ANK2: variants seen among roughly 807,000 people sequenced by gnomAD.
ANK2 encodes the protein ankyrin-2.
Under a neutral mutation model 360.5 loss-of-function variants are expected in ANK2, and 83 were observed. The observed-to-expected ratio is 0.23, with a 90% CI of 0.19 to 0.28. The LOEUF (loss-of-function observed/expected upper bound fraction) is 0.28. ANK2 is among the 10% of genes least tolerant of loss of function. The probability of loss-of-function intolerance (pLI) is 1.00; values close to 1 mark genes in which losing one functional copy is unlikely to be tolerated. For synonymous variants in ANK2, 1,740 were observed against 1,759.5 expected (o/e 0.99, Z 0.28); for missense variants, 4,201 against 4,795.7 (o/e 0.88, Z 3.66).
At chr4:112,991,619 C>CTTTTTTTTTTTTTTTTTTTT (rs35505334) in intron 2 of ANK2, among the ~76,000 whole-genome samples, 1 of 125,854 alleles carries the variant, frequency 7.9e-6, no homozygotes, top group Non-Finnish European at 1.6e-5. Flanking sequence ...TTCTTTCTTT[C>CTTTTTTTTTTTTTTTTTTTT]TTTTTTTTTT....
At chr4:112,887,112 C>T (rs2078639211) in intron 1 of ANK2, among the ~76,000 whole-genome samples, 1 of 152,080 alleles carries the variant, frequency 6.6e-6, no homozygotes, top group Non-Finnish European at 1.5e-5. Context: ...TCCTGTGATA[C>T]CTAATTATAT....
the ANK2 span, among the ~76,000 whole-genome samples, chr4:112,756,917 G>A: frequency 6.6e-6 from 1 of 152,006 alleles, no homozygotes; most frequent in African/African-American, 2.4e-5. Context: ...AGGTTGCAGT[G>A]AGTTGAGATT....
intron 1 of ANK2, among the ~76,000 whole-genome samples, chr4:112,900,963 T>C (rs2083167665): frequency 6.6e-6 from 1 of 152,198 alleles, no homozygotes; most frequent in African/African-American, 2.4e-5. Context: ...CTACAGAATG[T>C]GGATAATAGG....
At chr4:113,071,719 G>A (rs2077621528) in intron 1 of ANK2, 1 of 152,598 alleles carries the variant, frequency 6.6e-6, no homozygotes, top group East Asian at 1.9e-4. Context: ...CATAGGGCCA[G>A]AGAAATCAGA....
At chr4:112,948,180 G>A (rs1478395253) in intron 2 of ANK2, among the ~76,000 whole-genome samples, 1 of 152,164 alleles carries the variant, frequency 6.6e-6, no homozygotes, top group Non-Finnish European at 1.5e-5. Context: ...TCAGGTCTGT[G>A]CCATCTGTCA....
chr4:113,250,761 C>CCCG lies in ANK2; in HGVS notation c.990+901_990+902insGCC, dbSNP rs1554340231. On this transcript the variant is annotated intron_variant, in intron 10 of 45. Transcript: ENST00000357077. ...CATTCCACCTCATACCACCGCCCCCCCCCCCGACAGAGTTGGTATCAACTA... is the reference window on the plus strand; with the variant it reads ...CATTCCACCTCATACCACCGCCCCCCCCGCCCCCGACAGAGTTGGTATCAACTA... Among the ~76,000 whole-genome samples the CCCG allele has an allele frequency of 2.0e-4, 27 of 137,894 alleles. 5 individuals carry two copies. The highest frequency in any genetic ancestry group is 4.4e-4 in the East Asian group (2 of 4,572). The allele number at this position is 137,894 out of a possible 152,430, so 90.5% of individuals were successfully genotyped here.
intron 1 of ANK2, among the ~76,000 whole-genome samples, chr4:112,843,776 C>T (rs1006471142): frequency 5.3e-5 from 8 of 151,986 alleles, no homozygotes; most frequent in Non-Finnish European, 8.8e-5. Context: ...TATAGTTTTT[C>T]GTTCTAAAAC....
chr4:113,007,217 G>A (rs1350636542), intron 2 of ANK2, among the ~76,000 whole-genome samples: 1 of 152,114 alleles, frequency 6.6e-6, no homozygotes, highest in Non-Finnish European at 1.5e-5. Context: ...TGAGTATTTT[G>A]TGCAGCGGTT....
At chr4:112,738,912 C>T in the ANK2 span, 1 of 685,952 alleles carries the variant, frequency 1.5e-6, no homozygotes, top group South Asian at 1.4e-5. Flanking sequence ...AAAGCACATG[C>T]TGCTAGTGGC....
At chr4:113,279,635 A>C (rs1405924358) in intron 17 of ANK2, among the ~76,000 whole-genome samples, 1 of 149,242 alleles carries the variant, frequency 6.7e-6, no homozygotes. Flanking sequence ...TTTTATACAT[A>C]TTATAAATAA....
At chr4:113,263,270 A>G (rs1226538154) in intron 13 of ANK2, among the ~76,000 whole-genome samples, 1 of 150,596 alleles carries the variant, frequency 6.6e-6, no homozygotes, top group East Asian at 1.9e-4. Flanking sequence ...CAAGTTAGAA[A>G]TCATGATTGT....
intron 2 of ANK2, among the ~76,000 whole-genome samples, chr4:112,927,454 C>G (rs2092706314): frequency 6.6e-6 from 1 of 152,160 alleles, no homozygotes; most frequent in African/African-American, 2.4e-5. Flanking sequence ...TGGCTATTTT[C>G]TTACTCGTCA....
intron 2 of ANK2, chr4:113,034,404 C>G (rs2061118845): frequency 6.6e-6 from 1 of 151,922 alleles, no homozygotes; most frequent in South Asian, 2.1e-4. Context: ...GACCAGAATA[C>G]TGGAAAGAAA....
intron 24 of ANK2, among the ~76,000 whole-genome samples, chr4:113,312,314 C>G (rs1285510524): frequency 1.3e-5 from 2 of 151,688 alleles, no homozygotes; most frequent in East Asian, 3.9e-4. Flanking sequence ...AAAGTTTGTC[C>G]ACGTAGTGTA....
chr4:113,345,102 T>A (rs1005888582), intron 34 of ANK2, among the ~76,000 whole-genome samples: 2 of 152,184 alleles, frequency 1.3e-5, no homozygotes, highest in African/African-American at 4.8e-5. Context: ...CATATATTTA[T>A]CACAATTTTT....
intron 2 of ANK2, among the ~76,000 whole-genome samples, chr4:113,038,168 G>A (rs2062021929): frequency 6.6e-6 from 1 of 151,928 alleles, no homozygotes; most frequent in East Asian, 1.9e-4. Context: ...GGGCCAAGGA[G>A]AGTGAAAAGA....
chr4:113,120,381 T>A (rs535449658), intron 1 of ANK2, among the ~76,000 whole-genome samples: 1 of 152,242 alleles, frequency 6.6e-6, no homozygotes, highest in East Asian at 1.9e-4. Context: ...ATTTTAGAAT[T>A]GAGGAGGATG....
chr4:112,819,603 T>C (rs1331945623), intron 1 of ANK2, among the ~76,000 whole-genome samples: 1 of 152,164 alleles, frequency 6.6e-6, no homozygotes, highest in African/African-American at 2.4e-5. Context: ...CCACCCAGTG[T>C]TGTGAACATG....
At chr4:113,238,116 T>C (rs2099398099) in intron 7 of ANK2, among the ~76,000 whole-genome samples, 1 of 152,190 alleles carries the variant, frequency 6.6e-6, no homozygotes, top group African/African-American at 2.4e-5. Context: ...AGCAGACCAA[T>C]TGCTTTTTCT....
Sources: gnomAD v4.1 joint callset for allele counts (sites outside exome capture counted in the v4.1 genomes callset) on GRCh38, gnomAD v4.1.1 for gene constraint, MANE v1.5 for transcripts, NCBI Gene and HGNC (gene_info 2026-07-23, HGNC 2026-07-21) for gene names.